THSD7B: variants seen among roughly 807,000 people sequenced by gnomAD.
THSD7B encodes thrombospondin type 1 domain containing 7B.
In THSD7B, 138 loss-of-function variants were observed where a neutral mutation model predicts 213.6. That is an observed-to-expected ratio of 0.65 (90% CI 0.56 to 0.74). The LOEUF is 0.74. Among genes scored for constraint, THSD7B ranks in the 30% least tolerant of loss-of-function variants. The pLI is 0.00. For missense variants in THSD7B, 1,931 were observed against 1,991.5 expected (o/e 0.97, Z 0.58); for synonymous variants, 742 against 687.0 (o/e 1.08, Z -1.25).
intron 2 of THSD7B, among the ~76,000 whole-genome samples, chr2:136,963,562 T>C (rs1004528706): frequency 6.6e-6 from 1 of 152,248 alleles, no homozygotes; most frequent in East Asian, 1.9e-4. Flanking sequence ...GAGGATTGCC[T>C]GAGCCCAGAA....
intron 2 of THSD7B, among the ~76,000 whole-genome samples, chr2:137,020,301 C>T (rs1026624294): frequency 4.6e-5 from 7 of 152,124 alleles, no homozygotes; most frequent in East Asian, 1.9e-4. Flanking sequence ...GAATGGAGCA[C>T]GGTGGCACAT....
chr2:137,536,562 T>C (rs1680511118), intron 15 of THSD7B, among the ~76,000 whole-genome samples: 1 of 151,536 alleles, frequency 6.6e-6, no homozygotes, highest in Non-Finnish European at 1.5e-5. Context: ...CATGTAGAAG[T>C]AAAAGTGGTT....
At chr2:137,174,963 T>G (rs548583290) in intron 7 of THSD7B, among the ~76,000 whole-genome samples, 1 of 152,170 alleles carries the variant, frequency 6.6e-6, no homozygotes, top group Non-Finnish European at 1.5e-5. Flanking sequence ...CTCACTGCAT[T>G]TTAAACATCA....
intron 12 of THSD7B, among the ~76,000 whole-genome samples, chr2:137,284,197 G>C (rs571981192): frequency 2.0e-5 from 3 of 152,066 alleles, no homozygotes; most frequent in African/African-American, 4.8e-5. Context: ...AGAGGTGTTT[G>C]TAGTATTCTC....
intron 2 of THSD7B, among the ~76,000 whole-genome samples, chr2:136,898,579 G>GCCCCC (rs112016812): frequency 0.012 from 1,367 of 116,486 alleles, 46 homozygotes; most frequent in Middle Eastern, 0.044. Flanking sequence ...TTGTCCCCCC[G>GCCCCC]CCCCCCCGCC....
rs1250284350 is a variant in THSD7B at position 137,242,586 on chromosome 2, G to A, written c.2266+14G>A. On this transcript the variant is annotated intron_variant, in intron 10 of 27. Coordinates refer to ENST00000409968, the MANE Select transcript of THSD7B (RefSeq NM_001316349.2). ...TGTGCCAAGCAGGTAGGTGGATGCT[G>A]CGTTCTTAGTTCTTTCTTCCCTAAC... 1.3e-6 allele frequency: 2 copies of A among 1,590,262 alleles called. No individual in the cohort carries two copies. The highest frequency in any genetic ancestry group is 1.1e-5 in the South Asian group (1 of 90,526).
chr2:137,258,641 A>G (rs1220311888), intron 10 of THSD7B, among the ~76,000 whole-genome samples: 2 of 150,072 alleles, frequency 1.3e-5, no homozygotes, highest in Non-Finnish European at 3.0e-5. Context: ...ATGGAAAGAT[A>G]CACACAGACA....
At chr2:137,196,386 T>A (rs952294817) in intron 7 of THSD7B, among the ~76,000 whole-genome samples, 2 of 147,068 alleles carry the variant, frequency 1.4e-5, no homozygotes, top group Non-Finnish European at 3.0e-5. Context: ...GTTTTTTTTT[T>A]TTTTTTTTTT....
At chr2:137,079,019 C>G (rs1353000516) in intron 3 of THSD7B, among the ~76,000 whole-genome samples, 1 of 151,922 alleles carries the variant, frequency 6.6e-6, no homozygotes, top group Admixed American at 6.6e-5. Context: ...GTGTTAGAAT[C>G]TATAATTTAT....
intron 20 of THSD7B, among the ~76,000 whole-genome samples, chr2:137,635,594 A>T (rs980170143): frequency 2.0e-5 from 3 of 152,198 alleles, no homozygotes; most frequent in Admixed American, 1.3e-4. Flanking sequence ...AGCATGTTTT[A>T]TGTACTCATT....
intron 2 of THSD7B, among the ~76,000 whole-genome samples, chr2:136,942,028 G>A (rs1218612467): frequency 6.6e-6 from 1 of 152,140 alleles, no homozygotes; most frequent in African/African-American, 2.4e-5. Flanking sequence ...TTTGTATAAG[G>A]TGTACGGAAG....
intron 3 of THSD7B, among the ~76,000 whole-genome samples, chr2:137,073,830 A>C (rs988500830): frequency 2.0e-5 from 3 of 152,186 alleles, no homozygotes; most frequent in African/African-American, 7.2e-5. Flanking sequence ...TTCTGCCTTC[A>C]GTTCGTTATT....
At chr2:136,858,430 A>G (rs1287907854) in intron 1 of THSD7B, among the ~76,000 whole-genome samples, 1 of 152,208 alleles carries the variant, frequency 6.6e-6, no homozygotes, top group Non-Finnish European at 1.5e-5. Flanking sequence ...CACACAATAT[A>G]AGGCTAATGG....
At chr2:137,235,690 CATA>C (rs1251566626) in intron 9 of THSD7B, among the ~76,000 whole-genome samples, 1 of 152,132 alleles carries the variant, frequency 6.6e-6, no homozygotes, top group Non-Finnish European at 1.5e-5. Context: ...AAACATAATT[CATA>C]ATAAGCTAAT....
chr2:137,237,615 A>G (rs1408682508), intron 9 of THSD7B, among the ~76,000 whole-genome samples: 1 of 152,208 alleles, frequency 6.6e-6, no homozygotes, highest in African/African-American at 2.4e-5. Flanking sequence ...CCCAAAAGTT[A>G]TCAAAAGTCT....
intron 10 of THSD7B, among the ~76,000 whole-genome samples, chr2:137,255,972 A>G (rs892491466): frequency 6.6e-6 from 1 of 152,162 alleles, no homozygotes; most frequent in Non-Finnish European, 1.5e-5. Context: ...GTTTTCAGTT[A>G]AAATGCCATT....
At chr2:136,998,336 G>T (rs927760182) in intron 2 of THSD7B, among the ~76,000 whole-genome samples, 2 of 151,338 alleles carry the variant, frequency 1.3e-5, no homozygotes, top group East Asian at 3.9e-4. Context: ...CAAATCTAAG[G>T]TTTTTTTCCC....
chr2:137,676,862 T>C lies in THSD7B; in HGVS notation c.*257T>C, dbSNP rs1683714228. 2 of 310,336 alleles carry C rather than the reference T, an allele frequency of 6.4e-6. No homozygotes were observed. The highest frequency in any genetic ancestry group is 1.2e-5 in the Non-Finnish European group (2 of 171,672). 19.2% of individuals were successfully genotyped at this position (310,336 alleles called of 1,614,324 possible). On this transcript the variant is annotated 3_prime_UTR_variant, in exon 28 of 28. Transcript: ENST00000409968. ...CCAAGGGACCTGAAAACCCTTCTCT[T>C]CCTGTTTGGAACTGGGAGGAAGAAA...
chr2:136,960,998 A>G (rs1046919312), intron 2 of THSD7B, among the ~76,000 whole-genome samples: 5 of 147,650 alleles, frequency 3.4e-5, no homozygotes, highest in African/African-American at 1.2e-4. Flanking sequence ...CTGAGGTAGA[A>G]GAATGGCGTG....
Sources: allele counts gnomAD v4.1 joint callset (sites outside exome capture counted in the v4.1 genomes callset), GRCh38; gene constraint gnomAD v4.1.1; transcripts MANE v1.5; gene names NCBI Gene and HGNC (gene_info 2026-07-23, HGNC 2026-07-21).